GPC5: variants seen among roughly 807,000 people sequenced by gnomAD.
GPC5 encodes glypican 5.
In GPC5, 47 loss-of-function variants were observed where a neutral mutation model predicts 53.9. That is an observed-to-expected ratio of 0.87 (90% CI 0.69 to 1.11). The LOEUF is 1.11. Among genes scored for constraint, GPC5 ranks in the 50% most tolerant of loss-of-function variants. The pLI, the probability that GPC5 is intolerant of heterozygous loss-of-function variation, is 0.00. For synonymous variants in GPC5, 286 were observed against 263.3 expected (o/e 1.09, Z -0.84); for missense variants, 748 against 713.1 (o/e 1.05, Z -0.56).
chr13:92,004,460 AT>A (rs1334139895), intron 6 of GPC5, among the ~76,000 whole-genome samples: 518 of 30,358 alleles, frequency 0.017, 9 homozygotes, highest in African/African-American at 0.038. Context: ...AAAAAAAATT[AT>A]ATATATATAT....
At chr13:91,545,863 A>G (rs575787833) in intron 2 of GPC5, among the ~76,000 whole-genome samples, 1 of 152,266 alleles carries the variant, frequency 6.6e-6, no homozygotes, top group East Asian at 1.9e-4. Context: ...TCATGTTTTC[A>G]GATATATTTT....
At chr13:91,538,759 T>G (rs1402467700) in intron 2 of GPC5, among the ~76,000 whole-genome samples, 1 of 151,862 alleles carries the variant, frequency 6.6e-6, no homozygotes. Flanking sequence ...ATTTTTTGTA[T>G]TTTTAGTAGA....
At chr13:91,642,504 A>G (rs1456490853) in intron 2 of GPC5, among the ~76,000 whole-genome samples, 3 of 152,172 alleles carry the variant, frequency 2.0e-5, no homozygotes, top group African/African-American at 7.2e-5. Context: ...CAGGGGTGGG[A>G]GTGTTTCAAG....
chr13:92,749,510 T>G (rs1412152170), intron 7 of GPC5, among the ~76,000 whole-genome samples: 1 of 152,258 alleles, frequency 6.6e-6, no homozygotes, highest in Admixed American at 6.5e-5. Flanking sequence ...TTCTGTTTGA[T>G]TTTTTGATGG....
chr13:91,988,919 C>G (rs1257542198), intron 6 of GPC5, among the ~76,000 whole-genome samples: 1 of 151,940 alleles, frequency 6.6e-6, no homozygotes, highest in Non-Finnish European at 1.5e-5. Context: ...AATCTGCAGT[C>G]ATCCTGGGAG....
At chr13:92,043,736 C>G (rs11838744) in intron 6 of GPC5, among the ~76,000 whole-genome samples, 2 of 152,140 alleles carry the variant, frequency 1.3e-5, no homozygotes, top group Middle Eastern at 3.4e-3. Context: ...CTAAGAATAT[C>G]GGGTGTTGGA....
At chr13:91,815,209 A>AAAT (rs1322970063) in intron 5 of GPC5, among the ~76,000 whole-genome samples, 1 of 152,084 alleles carries the variant, frequency 6.6e-6, no homozygotes, top group Non-Finnish European at 1.5e-5. Flanking sequence ...CTACAAAAGA[A>AAAT]AATAATAATA....
chr13:92,475,745 TATCTG>T (rs1316350396), intron 7 of GPC5, among the ~76,000 whole-genome samples: 1 of 152,132 alleles, frequency 6.6e-6, no homozygotes, highest in Non-Finnish European at 1.5e-5. Context: ...TATCTACAGC[TATCTG>T]ATCTTTGACC....
At chr13:92,463,951 T>A (rs1416787300) in intron 7 of GPC5, among the ~76,000 whole-genome samples, 1 of 152,130 alleles carries the variant, frequency 6.6e-6, no homozygotes, top group African/African-American at 2.4e-5. Context: ...ATTTTTATTA[T>A]TTTTGTCACA....
intron 7 of GPC5, among the ~76,000 whole-genome samples, chr13:92,330,363 T>C (rs2043280359): frequency 6.6e-6 from 1 of 152,182 alleles, no homozygotes; most frequent in African/African-American, 2.4e-5. Context: ...GGTCATATCT[T>C]AGAGGTGAAA....
At chr13:92,739,977 C>A (rs764528931) in intron 7 of GPC5, among the ~76,000 whole-genome samples, 2 of 152,042 alleles carry the variant, frequency 1.3e-5, no homozygotes, top group African/African-American at 2.4e-5. Context: ...TCATCAAAGT[C>A]ACCAGTGACT....
At chr13:92,307,660 T>C (rs1162689744) in intron 7 of GPC5, among the ~76,000 whole-genome samples, 1 of 152,136 alleles carries the variant, frequency 6.6e-6, no homozygotes, top group African/African-American at 2.4e-5. Context: ...ACAAAAGTCA[T>C]AAAGAATGAA....
intron 6 of GPC5, among the ~76,000 whole-genome samples, chr13:92,112,703 G>T (rs548929931): frequency 6.6e-6 from 1 of 152,030 alleles, no homozygotes; most frequent in African/African-American, 2.4e-5. Flanking sequence ...TCATAGGATT[G>T]TAACAGTCAT....
At chr13:91,925,696 C>A (rs1232677131) in intron 6 of GPC5, among the ~76,000 whole-genome samples, 1 of 151,972 alleles carries the variant, frequency 6.6e-6, no homozygotes, top group South Asian at 2.1e-4. Flanking sequence ...TATGGGCATA[C>A]GAAATTGATT....
rs71113743 is a variant in GPC5, at chr13:91,478,881, T to TTATATATATATATATATATA, written c.325+29961_325+29980dup. Among the ~76,000 whole-genome samples, 117 of 67,458 alleles carry TTATATATATATATATATATA rather than the reference T, an allele frequency of 1.7e-3. 3 individuals are homozygous for TTATATATATATATATATATA. The highest frequency in any genetic ancestry group is 3.7e-3 in the South Asian group (5 of 1,366). The allele number at this position is 67,458 out of a possible 152,430, so 44.3% of individuals were successfully genotyped here. A position where few individuals can be genotyped will look rare whatever the true frequency, so the allele number is the denominator to read the frequency against. On this transcript the variant is annotated intron_variant, in intron 2 of 7. Coordinates refer to ENST00000377067, the MANE Select transcript of GPC5 (RefSeq NM_004466.6). Reference sequence around the variant, plus strand: ...ATATACACACACATATATATACACATTATATATATATATATATATATGCAC... The same window carrying TTATATATATATATATATATA: ...ATATACACACACATATATATACACATTATATATATATATATATATATATATATATATATATATATATGCAC...
At chr13:92,307,225 T>C (rs1167324896) in intron 7 of GPC5, among the ~76,000 whole-genome samples, 2 of 152,222 alleles carry the variant, frequency 1.3e-5, no homozygotes, top group African/African-American at 4.8e-5. Context: ...TTTTGAAATA[T>C]ATTTTTCAGT....
intron 2 of GPC5, among the ~76,000 whole-genome samples, chr13:91,493,279 T>G (rs1219251373): frequency 6.6e-6 from 1 of 152,214 alleles, no homozygotes; most frequent in Non-Finnish European, 1.5e-5. Flanking sequence ...AGGCATGTAA[T>G]GTATAATAAT....
At chr13:91,832,580 G>A (rs1012883779) in intron 5 of GPC5, among the ~76,000 whole-genome samples, 5 of 151,992 alleles carry the variant, frequency 3.3e-5, no homozygotes, top group Admixed American at 2.6e-4. Context: ...AGTGTCGATG[G>A]TCTTTACAAT....
chr13:92,746,677 T>C (rs1449526146), intron 7 of GPC5, among the ~76,000 whole-genome samples: 2 of 152,128 alleles, frequency 1.3e-5, no homozygotes, highest in African/African-American at 2.4e-5. Flanking sequence ...ACTTCATAGA[T>C]TTCGTAGATT....
Sources: allele counts gnomAD v4.1 joint callset (sites outside exome capture counted in the v4.1 genomes callset), GRCh38; gene constraint gnomAD v4.1.1; transcripts MANE v1.5; gene names NCBI Gene and HGNC (gene_info 2026-07-23, HGNC 2026-07-21).